Variants in RAB3GAP1 observed in about 807,000 individuals in gnomAD.
RAB3GAP1 encodes the protein rab3 GTPase-activating protein catalytic subunit.
A neutral mutation model predicts 130.7 loss-of-function variants in RAB3GAP1; 86 were observed. That is an observed-to-expected ratio of 0.66 (90% CI 0.55 to 0.79). RAB3GAP1 has a LOEUF of 0.79. Ranked by LOEUF, RAB3GAP1 falls within the 30% of genes least tolerant of loss-of-function variation. The pLI, the probability that RAB3GAP1 is intolerant of heterozygous loss-of-function variation, is 0.00. For synonymous variants in RAB3GAP1, 367 were observed against 401.7 expected (o/e 0.91, Z 1.03); for missense variants, 1,029 against 1,169.4 (o/e 0.88, Z 1.75).
chr2:135,144,620 G>A (rs766487827), intron 17 of RAB3GAP1, among the ~76,000 whole-genome samples: 20 of 152,210 alleles, frequency 1.3e-4, no homozygotes, highest in Non-Finnish European at 2.5e-4. Flanking sequence ...TTTGTTTGAA[G>A]GTCAGATTTC....
chr2:135,096,652 CACTT>C (rs1690305913), intron 5 of RAB3GAP1, among the ~76,000 whole-genome samples: 1 of 152,148 alleles, frequency 6.6e-6, no homozygotes, highest in African/African-American at 2.4e-5. Context: ...ATTAATTGAA[CACTT>C]ACTTACTGTT....
intron 5 of RAB3GAP1, among the ~76,000 whole-genome samples, chr2:135,094,767 T>G (rs1347761968): frequency 6.6e-6 from 1 of 152,238 alleles, no homozygotes; most frequent in Non-Finnish European, 1.5e-5. Flanking sequence ...TGTTTGTTTT[T>G]TTAGCTCCCA....
At chr2:135,054,045 GAAAT>G (rs2104815870) in intron 2 of RAB3GAP1, among the ~76,000 whole-genome samples, 1 of 152,278 alleles carries the variant, frequency 6.6e-6, no homozygotes, top group South Asian at 2.1e-4. Flanking sequence ...CTATTGAAGG[GAAAT>G]AAATAAGGTT....
intron 3 of RAB3GAP1, among the ~76,000 whole-genome samples, chr2:135,072,177 C>T (rs1689494302): frequency 1.3e-5 from 2 of 152,162 alleles, no homozygotes; most frequent in Non-Finnish European, 2.9e-5. Context: ...TCCCAAAGTG[C>T]TGGGATTATA....
chr2:135,079,521 C>G (rs1393474331), intron 3 of RAB3GAP1, among the ~76,000 whole-genome samples: 1 of 152,166 alleles, frequency 6.6e-6, no homozygotes, highest in Non-Finnish European at 1.5e-5. Flanking sequence ...TCTAATTTCT[C>G]CACCTTTTTT....
chr2:135,066,390 T>C (rs1036382886), intron 3 of RAB3GAP1, among the ~76,000 whole-genome samples: 6 of 152,208 alleles, frequency 3.9e-5, no homozygotes, highest in African/African-American at 1.4e-4. Context: ...TGCACTATAG[T>C]TGGGACTGTG....
At chr2:135,083,830 T>C (rs1689902066) in intron 3 of RAB3GAP1, among the ~76,000 whole-genome samples, 1 of 149,612 alleles carries the variant, frequency 6.7e-6, no homozygotes, top group African/African-American at 2.4e-5. Flanking sequence ...TAGTATCTCA[T>C]TGTGGTTTTG....
chr2:135,130,516 T>C (rs1254019552), intron 12 of RAB3GAP1, 36 bp from the exon 13 acceptor site: 6 of 1,547,902 alleles, frequency 3.9e-6, no homozygotes, highest in Admixed American at 3.4e-5. Flanking sequence ...CTGAGGTTGG[T>C]GATATAATTT....
In RAB3GAP1 at chr2:135,133,954, T is replaced by C; in HGVS notation, c.1420T>C (p.Leu474=). ...TATGATCAATTTTTACCATGGAGGGTTGAAAGGAGTGGCACACCTCTGGCA... is the reference window on the plus strand; with the variant it reads ...TATGATCAATTTTTACCATGGAGGGCTGAAAGGAGTGGCACACCTCTGGCA... ...LCMINFYHGG[L]KGVAHLWQEF... is the part of the protein sequence containing the mutation. The change falls in exon 15 of 24, where the codon TTG becomes CTG. Residue 474 remains leucine (L), a synonymous_variant. Coordinates refer to ENST00000264158, the MANE Select transcript of RAB3GAP1 (RefSeq NM_012233.3). The C allele has an allele frequency of 6.2e-7, 1 of 1,613,826 alleles. No homozygotes were observed.
intron 11 of RAB3GAP1, 56 bp from the exon 12 acceptor site, chr2:135,129,939 G>T: frequency 9.4e-7 from 1 of 1,065,128 alleles, no homozygotes; most frequent in Non-Finnish European, 1.4e-6. Context: ...TAATTTATAG[G>T]ACTGATTTTT....
At chr2:135,139,573 C>T (rs1290796473) in intron 17 of RAB3GAP1, among the ~76,000 whole-genome samples, 1 of 151,066 alleles carries the variant, frequency 6.6e-6, no homozygotes, top group Non-Finnish European at 1.5e-5. Context: ...AAAAAGTGCA[C>T]AAATCTTTAG....
chr2:135,164,449 T>G, intron 22 of RAB3GAP1, 145 bp from the exon 23 acceptor site: 1 of 681,180 alleles, frequency 1.5e-6, no homozygotes, highest in South Asian at 1.5e-5. Context: ...CAATCTTATC[T>G]TGCTGTAAAA....
chr2:135,121,961 C>T (rs1224624157), intron 8 of RAB3GAP1, among the ~76,000 whole-genome samples: 1 of 152,098 alleles, frequency 6.6e-6, no homozygotes, highest in African/African-American at 2.4e-5. Flanking sequence ...GGTGCAGTGG[C>T]AGGAGCCTAT....
chr2:135,096,665 T>C (rs1287971484), intron 5 of RAB3GAP1, among the ~76,000 whole-genome samples: 1 of 152,176 alleles, frequency 6.6e-6, no homozygotes, highest in Admixed American at 6.5e-5. Context: ...TTACTTACTG[T>C]TTGGCTATAT....
At chr2:135,125,706 C>G (rs1691329506) in intron 9 of RAB3GAP1, among the ~76,000 whole-genome samples, 1 of 152,058 alleles carries the variant, frequency 6.6e-6, no homozygotes. Context: ...GGATGATTCA[C>G]CTAATGGGGT....
chr2:135,115,399 T>C lies in RAB3GAP1; in HGVS notation c.648+18T>C. 1.3e-6 allele frequency: 2 copies of C among 1,599,900 alleles called. No individual in the cohort carries two copies. Among genetic ancestry groups the C allele is most frequent in the Non-Finnish European group, 1.7e-6 (2 of 1,167,800 alleles). On this transcript the variant is annotated intron_variant, in intron 7 of 23. Transcript: ENST00000264158. ...CAAAGATTGTGAGTTGGGATTGATA[T>C]TGTCAGTCTTATCTGAGATCCAGAT...
chr2:135,115,131 A>G (rs1690928511), intron 6 of RAB3GAP1, 85 bp from the exon 7 acceptor site: 2 of 1,335,278 alleles, frequency 1.5e-6, no homozygotes, highest in Admixed American at 3.7e-5. Flanking sequence ...AATTCTTGAG[A>G]TTAAAATAAT....
rs769863151 is a variant in RAB3GAP1, at chr2:135,058,081, G to A, written c.145G>A (p.Glu49Lys). Residue 49 changes from glutamate to lysine, a missense_variant, in exon 3 of 24, where the codon GAA becomes AAA. Coordinates refer to ENST00000264158, the MANE Select transcript of RAB3GAP1 (RefSeq NM_012233.3). ...LIGNSLGKPLEKGIFTSGTWE... is the reference protein window; with the variant it reads ...LIGNSLGKPLKKGIFTSGTWE... The stretch of plus-strand genomic sequence containing the variant: ...TGGAAACTCTTTGGGAAAGCCACTC[G>A]AAAAGGTCAGATCTATTTGCTGGTG... The A allele has an allele frequency of 2.6e-5, 42 of 1,607,344 alleles. 1 individual carries two copies. The highest frequency in any genetic ancestry group is 1.2e-4 in the African/African-American group (9 of 74,730).
intron 13 of RAB3GAP1, among the ~76,000 whole-genome samples, chr2:135,132,110 T>C (rs1174879684): frequency 6.6e-6 from 1 of 152,230 alleles, no homozygotes; most frequent in East Asian, 1.9e-4. Context: ...GTTCATCTAA[T>C]TTTTAAAAGT....
Sources: gnomAD v4.1 joint callset for allele counts (sites outside exome capture counted in the v4.1 genomes callset) on GRCh38, gnomAD v4.1.1 for gene constraint, MANE v1.5 for transcripts, NCBI Gene and HGNC (gene_info 2026-07-23, HGNC 2026-07-21) for gene names.